The following FAM204A variants were observed in gnomAD, a reference collection of about 807,000 sequenced individuals.
FAM204A encodes the protein family with sequence similarity 204 member A, also known as protein FAM204A.
A neutral mutation model predicts 35.4 loss-of-function variants in FAM204A; 16 were observed. The ratio of observed to expected loss-of-function variants is 0.45; its 90% confidence interval spans 0.31 to 0.69. The LOEUF (loss-of-function observed/expected upper bound fraction) is 0.69. Ranked by LOEUF, FAM204A falls within the 30% of genes least tolerant of loss-of-function variation. The pLI is 0.07. For missense variants in FAM204A, 240 were observed against 265.7 expected (o/e 0.90, Z 0.67); for synonymous variants, 76 against 86.9 (o/e 0.88, Z 0.70).
intron 7 of FAM204A, among the ~76,000 whole-genome samples, chr10:118,319,639 T>C (rs971113286): frequency 6.6e-6 from 1 of 151,982 alleles, no homozygotes; most frequent in Non-Finnish European, 1.5e-5. Context: ...GTTCCTTTTT[T>C]ATAAGTTCAA....
chr10:118,327,523 A>C (rs1350789385), intron 6 of FAM204A, among the ~76,000 whole-genome samples: 1 of 152,154 alleles, frequency 6.6e-6, no homozygotes, highest in African/African-American at 2.4e-5. Flanking sequence ...TACGGATCTA[A>C]TGCTCACCAC....
In FAM204A at chr10:118,305,257, G is replaced by C. The variant is rs1845849865; in HGVS notation, c.*5600C>G. The stretch of plus-strand genomic sequence containing the variant: ...ATTGTGCTTGAGTCATTATATTTTG[G>C]GGGGCATATTTGTAGTAGTAGGAAG... On this transcript the variant is annotated 3_prime_UTR_variant, in exon 9 of 9. Coordinates refer to ENST00000369183, the MANE Select transcript of FAM204A (RefSeq NM_022063.3). 1 of 152,166 alleles carries C rather than the reference G, an allele frequency of 6.6e-6. No homozygotes were observed. The highest frequency in any genetic ancestry group is 2.1e-4 in the South Asian group (1 of 4,836). The allele number at this position is 152,166 out of a possible 1,614,324, so 9.4% of individuals were successfully genotyped here. A position where few individuals can be genotyped will look rare whatever the true frequency, so the allele number is the denominator to read the frequency against.
chr10:118,333,557 G>A (rs1207215069), intron 6 of FAM204A, among the ~76,000 whole-genome samples: 4 of 152,188 alleles, frequency 2.6e-5, no homozygotes, highest in Non-Finnish European at 5.9e-5. Context: ...ACCAAAGAAT[G>A]AGTAGGAACC....
intron 7 of FAM204A, among the ~76,000 whole-genome samples, chr10:118,321,045 T>C (rs1846108285): frequency 6.6e-6 from 1 of 151,884 alleles, no homozygotes; most frequent in Admixed American, 6.6e-5. Context: ...TTTCACTTAT[T>C]ATGGTTGGAA....
chr10:118,334,210 A>G (rs1284432323), intron 6 of FAM204A, among the ~76,000 whole-genome samples: 1 of 152,160 alleles, frequency 6.6e-6, no homozygotes, highest in African/African-American at 2.4e-5. Flanking sequence ...TCAAGTCCCA[A>G]ACTGAACTTT....
Position 118,298,556 on chromosome 10 carries a change from C to A in FAM204A, c.*12301G>T, listed in dbSNP as rs1225720695. 2.0e-5 allele frequency: 3 copies of A among 152,200 alleles called. No individual in the cohort carries two copies. Among genetic ancestry groups the A allele is most frequent in the Non-Finnish European group, 2.9e-5 (2 of 68,050 alleles). The allele number at this position is 152,200 out of a possible 1,614,324, so 9.4% of individuals were successfully genotyped here. On this transcript the variant is annotated 3_prime_UTR_variant, in exon 9 of 9. Coordinates refer to ENST00000369183, the MANE Select transcript of FAM204A (RefSeq NM_022063.3). ...TAGCTATCTGCAAAGCTGACCAGGG[C>A]TAGAACTCCATTTTACCACCTCTGA... is the stretch of plus-strand genomic sequence containing the variant.
intron 7 of FAM204A, among the ~76,000 whole-genome samples, chr10:118,319,042 C>T (rs1285005233): frequency 6.6e-6 from 1 of 151,762 alleles, no homozygotes; most frequent in African/African-American, 2.4e-5. Flanking sequence ...GTAGTCAAAC[C>T]CTTTCTCAAG....
At chr10:118,330,186 AT>A (rs1431685106) in intron 6 of FAM204A, among the ~76,000 whole-genome samples, 1 of 152,222 alleles carries the variant, frequency 6.6e-6, no homozygotes, top group Non-Finnish European at 1.5e-5. Flanking sequence ...TCACTGACAC[AT>A]ATTTGTATGT....
At chr10:118,333,325 A>G (rs1356772578) in intron 6 of FAM204A, among the ~76,000 whole-genome samples, 1 of 152,240 alleles carries the variant, frequency 6.6e-6, no homozygotes, top group Non-Finnish European at 1.5e-5. Flanking sequence ...AAAATAGTGG[A>G]TGGAAATTCA....
At chr10:118,313,735 CTCTTA>C (rs1349398390) in intron 7 of FAM204A, among the ~76,000 whole-genome samples, 4 of 152,288 alleles carry the variant, frequency 2.6e-5, no homozygotes, top group South Asian at 4.1e-4. Flanking sequence ...CAGCTAGCTT[CTCTTA>C]TATTTCAACT....
intron 2 of FAM204A, among the ~76,000 whole-genome samples, chr10:118,338,642 A>G (rs1452107825): frequency 1.3e-5 from 2 of 152,222 alleles, no homozygotes; most frequent in East Asian, 3.8e-4. Flanking sequence ...ACAGCTATAC[A>G]CATAGCAAGT....
intron 7 of FAM204A, among the ~76,000 whole-genome samples, chr10:118,312,426 A>G (rs1203891955): frequency 6.6e-6 from 1 of 152,156 alleles, no homozygotes; most frequent in Non-Finnish European, 1.5e-5. Flanking sequence ...GCACACGTGT[A>G]AGGAAAGAAG....
rs563172936 is a variant in FAM204A, at chr10:118,303,772, A to AG, written c.*7084_*7085insC. 6.2e-3 allele frequency: 951 copies of AG among 152,354 alleles called. 8 individuals are homozygous for AG. Among genetic ancestry groups the AG allele is most frequent in the African/African-American group, 0.022 (895 of 41,506 alleles). 9.4% of individuals were successfully genotyped at this position (152,354 alleles called of 1,614,324 possible). On this transcript the variant is annotated 3_prime_UTR_variant, in exon 9 of 9. Transcript: ENST00000369183. Reference sequence around the variant, plus strand: ...GGTTGAAGTGAGCTGAGATGACACCACTGCACTCTAGCCTGGCGACAGAGC... The same window carrying AG: ...GGTTGAAGTGAGCTGAGATGACACCAGCTGCACTCTAGCCTGGCGACAGAGC...
intron 4 of FAM204A, 60 bp downstream of exon 4, chr10:118,335,494 G>A: frequency 6.2e-7 from 1 of 1,600,346 alleles, no homozygotes; most frequent in African/African-American, 1.4e-5. Flanking sequence ...TAAAAAAATG[G>A]TTAAACTCAG....
chr10:118,311,019 C>T (rs960948305), intron 8 of FAM204A, 111 bp from the exon 9 acceptor site: 3 of 1,093,752 alleles, frequency 2.7e-6, no homozygotes, highest in African/African-American at 1.6e-5. Flanking sequence ...TTCACATACT[C>T]CAATGATTAC....
chr10:118,325,186 G>A (rs1017657691), intron 7 of FAM204A, among the ~76,000 whole-genome samples: 16 of 151,878 alleles, frequency 1.1e-4, no homozygotes, highest in Non-Finnish European at 2.1e-4. Flanking sequence ...AAGACAAAAC[G>A]AAAAACGCAA....
At chr10:118,316,105 G>T (rs1299926488) in intron 7 of FAM204A, among the ~76,000 whole-genome samples, 1 of 151,986 alleles carries the variant, frequency 6.6e-6, no homozygotes, top group Admixed American at 6.6e-5. Flanking sequence ...AACAAGCAAA[G>T]AAATAGCCAA....
chr10:118,341,209 T>C (rs1846475486), intron 2 of FAM204A, among the ~76,000 whole-genome samples: 2 of 152,210 alleles, frequency 1.3e-5, no homozygotes, highest in Admixed American at 1.3e-4. Context: ...ATGTTTTCCA[T>C]CTCTATTCCA....
At chr10:118,323,456 C>T (rs1213414084) in intron 7 of FAM204A, among the ~76,000 whole-genome samples, 1 of 152,078 alleles carries the variant, frequency 6.6e-6, no homozygotes, top group African/African-American at 2.4e-5. Flanking sequence ...ACTTAAGTAT[C>T]AGTTATCTAG....
Sources: gnomAD v4.1 joint callset for allele counts (sites outside exome capture counted in the v4.1 genomes callset) on GRCh38, gnomAD v4.1.1 for gene constraint, MANE v1.5 for transcripts, NCBI Gene and HGNC (gene_info 2026-07-23, HGNC 2026-07-21) for gene names.